Variants in LAMP2 observed in about 807,000 individuals in gnomAD.
The protein encoded by LAMP2 is lysosome associated membrane protein 2, also known as lysosome-associated membrane glycoprotein 2.
A neutral mutation model predicts 25.6 loss-of-function variants in LAMP2; 4 were observed. The observed-to-expected ratio is 0.16, with a 90% CI of 0.08 to 0.36. LAMP2 has a LOEUF of 0.36. Ranked by LOEUF, LAMP2 falls within the 10% of genes least tolerant of loss-of-function variation. The probability of loss-of-function intolerance (pLI) is 1.00; values close to 1 mark genes in which losing one functional copy is unlikely to be tolerated. For missense variants in LAMP2, 272 were observed against 301.4 expected, an observed-to-expected ratio of 0.90 and a Z score of 0.72; for synonymous variants, 108 against 112.7, an observed-to-expected ratio of 0.96 and a Z score of 0.27.
intron 5 of LAMP2, among the ~76,000 whole-genome samples, chrX:120,447,212 C>T (rs929679455): frequency 9.1e-6 from 1 of 110,153 alleles, no homozygotes; most frequent in African/African-American, 3.3e-5. Flanking sequence ...TCAAGACCAG[C>T]CTGGCCAAGA....
intron 8 of LAMP2, among the ~76,000 whole-genome samples, chrX:120,440,917 G>C (rs1365698802): frequency 8.9e-6 from 1 of 112,017 alleles, no homozygotes; most frequent in Non-Finnish European, 1.9e-5. Flanking sequence ...TAGTCGAATG[G>C]CTCACAGTAT....
intron 8 of LAMP2, chrX:120,438,963 C>A: frequency 9.6e-7 from 1 of 1,037,430 alleles, no homozygotes; most frequent in South Asian, 2.8e-5. Flanking sequence ...TTTTAAATTC[C>A]TTGGTTGGAA....
intron 4 of LAMP2, among the ~76,000 whole-genome samples, 177 bp from the exon 5 acceptor site, chrX:120,448,202 T>G (rs1335786850): frequency 8.9e-6 from 1 of 112,427 alleles, no homozygotes; most frequent in Non-Finnish European, 1.9e-5. Context: ...AAACTGCTGC[T>G]TCATATACAG....
At chrX:120,458,704 C>G (rs1372618509) in intron 1 of LAMP2, among the ~76,000 whole-genome samples, 1 of 111,890 alleles carries the variant, frequency 8.9e-6, no homozygotes, top group Non-Finnish European at 1.9e-5. Flanking sequence ...TGGGTCCCTC[C>G]TCAGCTTTGC....
chrX:120,441,876 T>C lies in LAMP2; in HGVS notation c.947A>G (p.Asn316Ser). The change falls in exon 8 of 9, where the codon AAC becomes AGC. Residue 316 changes from asparagine (N) to serine (S), a missense_variant. Coordinates refer to ENST00000200639, the MANE Select transcript of LAMP2 (RefSeq NM_002294.3). The stretch of plus-strand genomic sequence containing the variant: ...GGGGGCATCCCAGTAGCTGAGATTG[T>C]TATTTGCAATGCTGAAAACTTCAAA... ...VNGSVFSIAN[N>S]NLSYWDAPLG... The C allele has an allele frequency of 8.3e-7, 1 of 1,209,742 alleles. No homozygotes were observed. Among genetic ancestry groups the C allele is most frequent in the Non-Finnish European group, 1.1e-6 (1 of 893,719 alleles).
rs778376407 is a variant in LAMP2 at position 120,453,411 on chromosome X, G to C, written c.397+1946C>G. 1.2e-3 allele frequency among the ~76,000 whole-genome samples: 134 copies of C among 111,768 alleles called. 1 individual carries two copies. Among genetic ancestry groups the C allele is most frequent in the African/African-American group, 4.1e-3 (126 of 30,757 alleles). The stretch of plus-strand genomic sequence containing the variant: ...CTAAAGCCCATCTACCTGTTTCTGG[G>C]GTCAGAATGAAACACTATCTGCAAA... On this transcript the variant is annotated intron_variant, in intron 3 of 8. Transcript: ENST00000200639.
At chrX:120,466,838 TTC>T (rs60880948) in intron 1 of LAMP2, among the ~76,000 whole-genome samples, 6,333 of 92,110 alleles carry the variant, frequency 0.069, 377 homozygotes, top group African/African-American at 0.2. Flanking sequence ...GACAAATAAC[TTC>T]TTTTTTTTTT....
chrX:120,454,711 T>C (rs754250705), intron 3 of LAMP2, among the ~76,000 whole-genome samples: 4 of 109,686 alleles, frequency 3.6e-5, no homozygotes, highest in East Asian at 2.8e-4. Context: ...TGCAGGTCAA[T>C]AGACTGCTTC....
chrX:120,436,029 A>G (rs778471207), intron 8 of LAMP2, among the ~76,000 whole-genome samples: 9 of 110,901 alleles, frequency 8.1e-5, no homozygotes, highest in African/African-American at 2.6e-4. Flanking sequence ...AGGAATTGAG[A>G]AAAGTGTACA....
In LAMP2 at chrX:120,469,263, C is replaced by A. The variant is rs1399025706; in HGVS notation, c.-94G>T. Reference sequence around the variant, plus strand: ...AGGCTCGCTGGACCTGGGTCAAGAGCACTGATGACCACCGACCACAGCCTT... The same window carrying A: ...AGGCTCGCTGGACCTGGGTCAAGAGAACTGATGACCACCGACCACAGCCTT... On this transcript the variant is annotated 5_prime_UTR_variant, in exon 1 of 9. Coordinates refer to ENST00000200639, the MANE Select transcript of LAMP2 (RefSeq NM_002294.3). 4.6e-6 allele frequency: 4 copies of A among 860,313 alleles called. No homozygotes were observed. The highest frequency in any genetic ancestry group is 6.8e-6 in the Non-Finnish European group (4 of 586,738). The allele number at this position is 860,313 out of a possible 1,213,427, so 70.9% of individuals were successfully genotyped here.
intron 3 of LAMP2, among the ~76,000 whole-genome samples, chrX:120,454,694 T>C (rs1163690260): frequency 9.1e-6 from 1 of 109,723 alleles, no homozygotes; most frequent in Non-Finnish European, 1.9e-5. Flanking sequence ...GTTAAGTATA[T>C]GAATTCTGCA....
intron 3 of LAMP2, 59 bp downstream of exon 3, chrX:120,455,298 A>C (rs1199143810): frequency 1.1e-6 from 1 of 950,868 alleles, no homozygotes; most frequent in Non-Finnish European, 1.5e-6. Flanking sequence ...AAAATTGTTT[A>C]CATTTTTATC....
chrX:120,446,787 G>C (rs2058598098), intron 5 of LAMP2, among the ~76,000 whole-genome samples: 1 of 111,284 alleles, frequency 9.0e-6, no homozygotes, highest in Non-Finnish European at 1.9e-5. Flanking sequence ...GCAACTAGAA[G>C]TGCCATCATG....
At chrX:120,469,074 G>A in intron 1 of LAMP2, 32 bp downstream of exon 1, 1 of 1,196,366 alleles carries the variant, frequency 8.4e-7, no homozygotes, top group Middle Eastern at 2.3e-4. Context: ...GGCCCAGGCG[G>A]ACAGACTAAT....
rs1231592814 is a variant in LAMP2 at position 120,446,384 on chromosome X, G to A, written c.785C>T (p.Thr262Ile). The A allele has an allele frequency of 3.3e-6, 4 of 1,204,035 alleles. No individual in the cohort carries two copies. The African/African-American group carries it at 5.3e-5, about 16-fold the overall frequency. The change falls in exon 6 of 9, where the codon ACA becomes ATA. Residue 262 changes from threonine to isoleucine, a missense_variant. Coordinates refer to ENST00000200639, the MANE Select transcript of LAMP2 (RefSeq NM_002294.3). ...ININPNTTHS[T>I]GSCRSHTALL... Reference sequence around the variant, plus strand: ...AGCAGTGTGAGAACGGCAGCTGCCTGTGGAGTGAGTTGTATTGGGGTTGAT... The same window carrying A: ...AGCAGTGTGAGAACGGCAGCTGCCTATGGAGTGAGTTGTATTGGGGTTGAT...
intron 8 of LAMP2, chrX:120,436,362 G>A (rs2058544721): frequency 3.6e-6 from 1 of 275,567 alleles, no homozygotes; most frequent in African/African-American, 3.0e-5. Context: ...TATACAGACA[G>A]AACATCAGAA....
intron 3 of LAMP2, among the ~76,000 whole-genome samples, chrX:120,450,410 C>CA (rs1206271301): frequency 8.9e-6 from 1 of 111,858 alleles, no homozygotes; most frequent in East Asian, 2.8e-4. Flanking sequence ...CAAAACAAAA[C>CA]AAAAAACCAA....
At chrX:120,446,793 T>C (rs988742907) in intron 5 of LAMP2, among the ~76,000 whole-genome samples, 2 of 111,603 alleles carry the variant, frequency 1.8e-5, no homozygotes, top group Non-Finnish European at 3.8e-5. Context: ...AGAAGTGCCA[T>C]CATGTACTCG....
In LAMP2 at chrX:120,428,861, A is replaced by C; in HGVS notation, c.*2462T>G. On this transcript the variant is annotated 3_prime_UTR_variant, in exon 9 of 9. Coordinates refer to ENST00000200639, the MANE Select transcript of LAMP2 (RefSeq NM_002294.3). ...AGAATGGGAAGGGTCCAAAATAGAG[A>C]ATTGCGCTTGCCTAATATGGGAAGA... 1 of 751,883 alleles carries C rather than the reference A, an allele frequency of 1.3e-6. No individual in the cohort carries two copies. Among genetic ancestry groups the C allele is most frequent in the African/African-American group, 2.3e-5 (1 of 43,456 alleles). 62.0% of individuals were successfully genotyped at this position (751,883 alleles called of 1,213,427 possible).
Sources: allele counts gnomAD v4.1 joint callset (sites outside exome capture counted in the v4.1 genomes callset), GRCh38; gene constraint gnomAD v4.1.1; transcripts MANE v1.5; gene names NCBI Gene and HGNC (gene_info 2026-07-23, HGNC 2026-07-21).